Variants in AK8 observed in about 807,000 individuals in gnomAD.
AK8 encodes the protein ATP-AMP transphosphorylase 8.
AK8 carries 44 observed loss-of-function variants against 54.6 expected under a neutral mutation model. That is an observed-to-expected ratio of 0.81 (90% CI 0.63 to 1.04). The LOEUF (loss-of-function observed/expected upper bound fraction) is 1.04, where lower values mean the gene tolerates loss of function less well. Among genes scored for constraint, AK8 ranks in the 50% least tolerant of loss-of-function variants. The pLI is 0.00. For synonymous variants in AK8, 239 were observed against 245.6 expected (o/e 0.97, Z 0.25); for missense variants, 555 against 613.6 (o/e 0.90, Z 1.01).
At chr9:132,784,695 GT>G (rs1839619312) in intron 11 of AK8, among the ~76,000 whole-genome samples, 1 of 152,150 alleles carries the variant, frequency 6.6e-6, no homozygotes, top group African/African-American at 2.4e-5. Flanking sequence ...TTTGCCAGAT[GT>G]TGTTTACAAG....
At chr9:132,774,857 G>C (rs960301004) in intron 11 of AK8, among the ~76,000 whole-genome samples, 10 of 152,132 alleles carry the variant, frequency 6.6e-5, no homozygotes, top group Non-Finnish European at 1.2e-4. Context: ...CTTATTCACC[G>C]CTGGCTTAGG....
chr9:132,740,679 A>G (rs1590177469), intron 11 of AK8, among the ~76,000 whole-genome samples: 1 of 151,966 alleles, frequency 6.6e-6, no homozygotes, highest in South Asian at 2.1e-4. Context: ...AGACCTGTGC[A>G]CCTCTGGCCT....
At chr9:132,740,711 AC>A (rs139551614) in intron 11 of AK8, among the ~76,000 whole-genome samples, 13 of 150,762 alleles carry the variant, frequency 8.6e-5, no homozygotes, top group African/African-American at 1.7e-4. Context: ...AGAGCTGAGC[AC>A]CCCCCCGCCC....
At chr9:132,827,168 G>T in intron 7 of AK8, 114 bp from the exon 8 acceptor site, 1 of 1,087,094 alleles carries the variant, frequency 9.2e-7, no homozygotes, top group Non-Finnish European at 1.4e-6. Context: ...CATTCCTGGG[G>T]TGTGGCTGAC....
intron 12 of AK8, among the ~76,000 whole-genome samples, chr9:132,727,122 T>C (rs1836613227): frequency 6.6e-6 from 1 of 152,090 alleles, no homozygotes; most frequent in South Asian, 2.1e-4. Flanking sequence ...GGATGCATCG[T>C]GGCTCAAGGA....
chr9:132,829,384 T>C (rs1251011987), intron 5 of AK8, among the ~76,000 whole-genome samples: 2 of 152,182 alleles, frequency 1.3e-5, no homozygotes, highest in Non-Finnish European at 2.9e-5. Context: ...CACAGCCACT[T>C]AACTATGTCC....
At chr9:132,730,436 G>GTTTT (rs5900990) in intron 11 of AK8, among the ~76,000 whole-genome samples, 3 of 141,878 alleles carry the variant, frequency 2.1e-5, no homozygotes, top group Non-Finnish European at 3.0e-5. Flanking sequence ...CCCACTGCCT[G>GTTTT]TTTTTTTTTT....
intron 11 of AK8, among the ~76,000 whole-genome samples, chr9:132,734,847 T>C (rs1018006020): frequency 1.3e-5 from 2 of 152,138 alleles, no homozygotes; most frequent in Non-Finnish European, 2.9e-5. Flanking sequence ...CTGGCCAGCA[T>C]GGTGAAACCC....
At chr9:132,872,979 T>C (rs1198400316) in intron 2 of AK8, among the ~76,000 whole-genome samples, 2 of 150,334 alleles carry the variant, frequency 1.3e-5, no homozygotes, top group South Asian at 2.1e-4. Flanking sequence ...GCCCAGCTAA[T>C]TTTTTTTTTA....
chr9:132,742,076 G>A (rs1390973725), intron 11 of AK8, among the ~76,000 whole-genome samples: 2 of 151,978 alleles, frequency 1.3e-5, no homozygotes, highest in East Asian at 1.9e-4. Flanking sequence ...CTGTCGCATG[G>A]ATCAGAACTT....
In AK8 at chr9:132,860,901, C is replaced by T. The variant is rs1240897348; in HGVS notation, c.333+2764G>A. ...ATTGTCCACACTGAATATTCAATCTCAGTAGATCTGGACTAAAACACCCAT... is the reference window on the plus strand; with the variant it reads ...ATTGTCCACACTGAATATTCAATCTTAGTAGATCTGGACTAAAACACCCAT... On this transcript the variant is annotated intron_variant, in intron 4 of 12. Transcript: ENST00000298545. This position sits in a 1 kb window ranked among gnomAD's most constrained non-coding sequence, Gnocchi z 4.4. 6.6e-6 allele frequency among the ~76,000 whole-genome samples: 1 copy of T among 152,194 alleles called. No homozygotes were observed. Among genetic ancestry groups the T allele is most frequent in the Non-Finnish European group, 1.5e-5 (1 of 68,042 alleles).
intron 10 of AK8, among the ~76,000 whole-genome samples, chr9:132,806,101 C>CGTGTGTGTGTGT (rs5900993): frequency 6.7e-6 from 1 of 148,568 alleles, no homozygotes; most frequent in East Asian, 2.0e-4. Context: ...TACTGCTTGG[C>CGTGTGTGTGTGT]GTGTGTGTGT....
intron 11 of AK8, among the ~76,000 whole-genome samples, chr9:132,746,674 T>C (rs1450194157): frequency 6.6e-6 from 1 of 152,208 alleles, no homozygotes; most frequent in African/African-American, 2.4e-5. Flanking sequence ...AATTGCGCAG[T>C]GGACAGTGTG....
chr9:132,814,364 ATG>A (rs1234165445), intron 10 of AK8, among the ~76,000 whole-genome samples: 1 of 148,316 alleles, frequency 6.7e-6, no homozygotes, highest in African/African-American at 2.5e-5. Flanking sequence ...GGTACCAGTT[ATG>A]AAAAGCCAAC....
chr9:132,855,085 T>C (rs1435973604), intron 4 of AK8, among the ~76,000 whole-genome samples, 160 bp from the exon 5 acceptor site: 1 of 151,858 alleles, frequency 6.6e-6, no homozygotes, highest in Non-Finnish European at 1.5e-5. Context: ...TTCCTTGAAC[T>C]CTCTTCTCCC....
chr9:132,878,806 G>C, upstream of AK8: 1 of 981,084 alleles, frequency 1.0e-6, no homozygotes, highest in Non-Finnish European at 1.2e-6. The surrounding 1 kb of genome is among the most constrained non-coding windows in gnomAD (Gnocchi z 4.7). Context: ...CCCGGCTCTG[G>C]CCAAGCCGCC....
At chr9:132,812,554 C>CGCCGCGCCCACTGGGATGACGGGTGAGCT in intron 10 of AK8, among the ~76,000 whole-genome samples, 1 of 140,886 alleles carries the variant, frequency 7.1e-6, no homozygotes, top group Non-Finnish European at 1.6e-5. Flanking sequence ...ACGGGTGAGC[C>CGCCGCGCCCACTGGGATGACGGGTGAGCT]GCCGCGCCCG....
At chr9:132,733,002 C>T (rs1022988469) in intron 11 of AK8, among the ~76,000 whole-genome samples, 4 of 152,260 alleles carry the variant, frequency 2.6e-5, no homozygotes, top group Admixed American at 6.5e-5. Context: ...TCACTTTGCC[C>T]ATGCTGTTCG....
rs975998866 is a variant in AK8, at chr9:132,803,785, C to T, written c.979+10853G>A. Among the ~76,000 whole-genome samples, 1 of 152,106 alleles carries T rather than the reference C, an allele frequency of 6.6e-6. No homozygotes were observed. The highest frequency in any genetic ancestry group is 1.5e-5 in the Non-Finnish European group (1 of 68,012). ...GAAATCCTTCAGGCTGCATGCTGCCCCCTGTGACCTGTCTCCTCTTTGTTC... is the reference window on the plus strand; with the variant it reads ...GAAATCCTTCAGGCTGCATGCTGCCTCCTGTGACCTGTCTCCTCTTTGTTC... On this transcript the variant is annotated intron_variant, in intron 10 of 12. Coordinates refer to ENST00000298545, the MANE Select transcript of AK8 (RefSeq NM_152572.3). The surrounding 1 kb of genome is among the most constrained non-coding windows in gnomAD (Gnocchi z 4.4).
Sources: allele counts gnomAD v4.1 joint callset (sites outside exome capture counted in the v4.1 genomes callset), GRCh38; gene constraint gnomAD v4.1.1; non-coding constraint Gnocchi (gnomAD v3.1); transcripts MANE v1.5; gene names NCBI Gene and HGNC (gene_info 2026-07-23, HGNC 2026-07-21).